C2CD3: variants seen among roughly 807,000 people sequenced by gnomAD.
C2CD3 encodes C2 domain-containing protein 3.
In C2CD3, 148 loss-of-function variants were observed where a neutral mutation model predicts 234.0. The ratio of observed to expected loss-of-function variants is 0.63; its 90% CI spans 0.55 to 0.72. C2CD3 has a LOEUF of 0.72. Ranked by LOEUF, C2CD3 falls within the 30% of genes least tolerant of loss-of-function variation. The pLI is 0.00. For missense variants in C2CD3, 2,577 were observed against 2,811.5 expected, an observed-to-expected ratio of 0.92 and a Z score of 1.89; for synonymous variants, 1,000 against 1,035.4, an observed-to-expected ratio of 0.97 and a Z score of 0.66.
intron 7 of C2CD3, among the ~76,000 whole-genome samples, chr11:74,130,699 TATATG>T (rs1957642651): frequency 6.6e-6 from 1 of 152,234 alleles, no homozygotes; most frequent in Non-Finnish European, 1.5e-5. Context: ...TCCATTGATT[TATATG>T]TCTATCCTTA....
Position 74,118,182 on chromosome 11 carries a change from A to G in C2CD3, c.1520+46T>C, listed in dbSNP as rs146095291. 612 of 1,527,268 alleles carry G rather than the reference A, an allele frequency of 4.0e-4. 3 individuals are homozygous for G. In the African/African-American group the frequency reaches 7.5e-3, roughly 19 times the overall value. 94.6% of individuals were successfully genotyped at this position (1,527,268 alleles called of 1,614,324 possible). A position where few individuals can be genotyped will look rare whatever the true frequency, so the allele number is the denominator to read the frequency against. Reference sequence around the variant, plus strand: ...CACCTTGGGAGATCTTGTGAAAATAACATTCCTTTGTGTTTACCTTTAAAT... The same window carrying G: ...CACCTTGGGAGATCTTGTGAAAATAGCATTCCTTTGTGTTTACCTTTAAAT... On this transcript the variant is annotated intron_variant, in intron 9 of 32. Transcript: ENST00000334126.
intron 16 of C2CD3, among the ~76,000 whole-genome samples, chr11:74,097,646 T>C (rs1383893210): frequency 1.3e-5 from 2 of 152,242 alleles, no homozygotes; most frequent in Non-Finnish European, 2.9e-5. Context: ...CACTTCACAA[T>C]GACTTTCCAG....
chr11:74,120,114 G>A (rs919430509), intron 8 of C2CD3, among the ~76,000 whole-genome samples: 12 of 151,666 alleles, frequency 7.9e-5, no homozygotes, highest in Admixed American at 2.0e-4. Flanking sequence ...CAGCATGATT[G>A]TAAGATTACT....
chr11:74,140,618 A>G (rs1301375689), intron 3 of C2CD3, among the ~76,000 whole-genome samples: 1 of 152,194 alleles, frequency 6.6e-6, no homozygotes, highest in African/African-American at 2.4e-5. Context: ...TGATTAGATT[A>G]TGCATTCCTT....
chr11:74,071,711 A>C (rs1954800000), intron 24 of C2CD3, among the ~76,000 whole-genome samples: 1 of 152,182 alleles, frequency 6.6e-6, no homozygotes, highest in Non-Finnish European at 1.5e-5. Context: ...TCAGTATGCC[A>C]AATCTGAAAA....
At chr11:74,048,565 G>A (rs1239788015) in intron 27 of C2CD3, among the ~76,000 whole-genome samples, 1 of 152,130 alleles carries the variant, frequency 6.6e-6, no homozygotes, top group African/African-American at 2.4e-5. Context: ...TTTGTTTTCA[G>A]TTGCTTTATC....
chr11:74,109,264 A>G (rs1291715444), intron 11 of C2CD3, 112 bp from the exon 12 acceptor site: 3 of 626,508 alleles, frequency 4.8e-6, no homozygotes, highest in African/African-American at 3.8e-5. Flanking sequence ...AATCTCCTGC[A>G]GAAATCGAGT....
chr11:74,136,177 A>G (rs1241771270), intron 5 of C2CD3, among the ~76,000 whole-genome samples: 1 of 152,114 alleles, frequency 6.6e-6, no homozygotes, highest in Non-Finnish European at 1.5e-5. Context: ...CCCCATCTGT[A>G]AAAGTCACAT....
In C2CD3 at chr11:74,161,850, C is replaced by T. The variant is rs149799953; in HGVS notation, c.326-294G>A. ...TTTTTTTTTTCTTGAGACAGGGTCT[C>T]TGTCGCCCAGGCTGGAGTGCACTGG... On this transcript the variant is annotated intron_variant, in intron 2 of 32. Transcript: ENST00000334126. Among the ~76,000 whole-genome samples the T allele has an allele frequency of 9.2e-3, 1,289 of 140,522 alleles. 6 individuals carry two copies. The highest frequency in any genetic ancestry group is 0.015 in the Non-Finnish European group (1,005 of 66,008). The allele number at this position is 140,522 out of a possible 152,430, so 92.2% of individuals were successfully genotyped here.
Position 74,170,899 on chromosome 11 carries a change from C to A in C2CD3, c.-107G>T, listed in dbSNP as rs1857171006. 1 of 1,506,822 alleles carries A rather than the reference C, an allele frequency of 6.6e-7. No homozygotes were observed. The highest frequency in any genetic ancestry group is 8.9e-7 in the Non-Finnish European group (1 of 1,119,790). The allele number at this position is 1,506,822 out of a possible 1,614,324, so 93.3% of individuals were successfully genotyped here. The stretch of plus-strand genomic sequence containing the variant: ...GCCTGCGTTCCCCGGCAACCGGCGC[C>A]GCTGGGCAGCCTGGGAGGCAGGAAA... On this transcript the variant is annotated 5_prime_UTR_variant, in exon 1 of 33. Transcript: ENST00000334126.
chr11:74,027,061 C>T (rs555291402), intron 32 of C2CD3, among the ~76,000 whole-genome samples: 5 of 151,652 alleles, frequency 3.3e-5, no homozygotes, highest in South Asian at 2.1e-4. Flanking sequence ...TATATATACA[C>T]AGAAATAATC....
chr11:74,132,901 G>A lies in C2CD3; in HGVS notation c.1160C>T (p.Thr387Ile), dbSNP rs762138246. ...AGCTTTTGTGTCATGTCTCCAAAAT[G>A]TATTCTCAGTTGAAGGGAGGAGGTG... ...EDHLLPSTEN[T>I]FWRHDTKADT... The change falls in exon 7 of 33, where the codon ACA (threonine) becomes ATA (isoleucine). Residue 387 changes from threonine to isoleucine, a missense_variant. Thr to Ile is a moderately conservative substitution (Grantham distance 89, BLOSUM62 -1). Transcript: ENST00000334126. 1 of 1,613,496 alleles carries A rather than the reference G, an allele frequency of 6.2e-7. No individual in the cohort carries two copies. The highest frequency in any genetic ancestry group is 8.5e-7 in the Non-Finnish European group (1 of 1,179,554).
In C2CD3 at chr11:74,042,196, C is replaced by G. The variant is rs759854111; in HGVS notation, c.5518G>C (p.Ala1840Pro). Residue 1840 changes from alanine to proline, a missense_variant, in exon 29 of 33, where the codon GCA becomes CCA. Coordinates refer to ENST00000334126, the MANE Select transcript of C2CD3 (RefSeq NM_001286577.2). ...TGCACATGCTCTTCATGGCGTGATG[C>G]TTGGCTTCTTGTGGTATCACTTCTG... ...PGRSDTTRSQ[A>P]SRHEEHVQNI... 1.3e-6 allele frequency: 2 copies of G among 1,597,670 alleles called. No homozygotes were observed. The highest frequency in any genetic ancestry group is 1.7e-6 in the Non-Finnish European group (2 of 1,172,620).
At position 74,074,480 on chromosome 11, in the gene C2CD3, T is replaced by G. The variant is rs765561581; in HGVS notation, c.4724A>C (p.Asp1575Ala). 1 of 1,614,088 alleles carries G rather than the reference T, an allele frequency of 6.2e-7. No individual in the cohort carries two copies. Among genetic ancestry groups the G allele is most frequent in the East Asian group, 2.2e-5 (1 of 44,874 alleles). Residue 1575 changes from aspartate (D) to alanine (A), a missense_variant, in exon 24 of 33, where the codon GAC (aspartate) becomes GCC (alanine). Coordinates refer to ENST00000334126, the MANE Select transcript of C2CD3 (RefSeq NM_001286577.2). Reference sequence around the variant, plus strand: ...CTCAGACTCACTGTGGCTGCTGCAGTCCATGGAGTCCAGCTCATGAGTGGG... The same window carrying G: ...CTCAGACTCACTGTGGCTGCTGCAGGCCATGGAGTCCAGCTCATGAGTGGG... The part of the protein sequence containing the change: ...LEPTHELDSM[D>A]CSSHSESEQL...
In C2CD3 at chr11:74,042,222, TCA is replaced by T; in HGVS notation, c.5496-6_5496-5del. ...TTGGCTTCTTGTGGTATCACTTCTG[TCA>T]AAAAAAAAAAAAAAAAAAGTAGGAG... On this transcript the variant is annotated splice_polypyrimidine_tract_variant and splice_region_variant and intron_variant, in intron 28 of 32. Transcript: ENST00000334126. 10 of 1,450,360 alleles carry T rather than the reference TCA, an allele frequency of 6.9e-6. No homozygotes were observed. Among genetic ancestry groups the T allele is most frequent in the East Asian group, 2.5e-5 (1 of 40,750 alleles). 89.8% of individuals were successfully genotyped at this position (1,450,360 alleles called of 1,614,324 possible). A position where few individuals can be genotyped will look rare whatever the true frequency, so the allele number is the denominator to read the frequency against.
At chr11:74,046,880 G>A (rs1953400160) in intron 28 of C2CD3, among the ~76,000 whole-genome samples, 1 of 152,140 alleles carries the variant, frequency 6.6e-6, no homozygotes, top group African/African-American at 2.4e-5. Context: ...CATTTCACAA[G>A]TATTATTAGT....
At chr11:74,075,547 A>G (rs550488212) in intron 23 of C2CD3, among the ~76,000 whole-genome samples, 35 of 152,288 alleles carry the variant, frequency 2.3e-4, no homozygotes, top group Non-Finnish European at 5.0e-4. Flanking sequence ...TAACTTGCTG[A>G]ATATTAAAAT....
chr11:74,103,654 TA>T, intron 13 of C2CD3, 29 bp from the exon 14 acceptor site: 1 of 1,575,066 alleles, frequency 6.3e-7, no homozygotes, highest in Non-Finnish European at 8.6e-7. Context: ...GAAGAGTCAA[TA>T]AGAATGTCCT....
chr11:74,104,894 C>A (rs10501415), intron 13 of C2CD3, among the ~76,000 whole-genome samples: 40,399 of 151,978 alleles, frequency 0.27, 6,115 homozygotes, highest in African/African-American at 0.41. Flanking sequence ...CTATTTATAA[C>A]CCCTTTCTGA....
Sources: allele counts gnomAD v4.1 joint callset (sites outside exome capture counted in the v4.1 genomes callset), GRCh38; gene constraint gnomAD v4.1.1; transcripts MANE v1.5; gene names NCBI Gene and HGNC (gene_info 2026-07-23, HGNC 2026-07-21).